CCDC30: variants seen among roughly 807,000 people sequenced by gnomAD.
The protein encoded by CCDC30 is coiled-coil domain-containing protein 30.
A neutral mutation model predicts 100.2 loss-of-function variants in CCDC30; 70 were observed. That is an observed-to-expected ratio of 0.70 (90% CI 0.58 to 0.85). CCDC30 has a LOEUF of 0.85. Among genes scored for constraint, CCDC30 ranks in the 40% least tolerant of loss-of-function variants. CCDC30 has a pLI of 0.00. For missense variants in CCDC30, 652 were observed against 771.2 expected, an observed-to-expected ratio of 0.85 and a Z score of 1.83; for synonymous variants, 233 against 269.5, an observed-to-expected ratio of 0.86 and a Z score of 1.33.
chr1:42,640,072 G>A (rs1197933987), intron 12 of CCDC30, among the ~76,000 whole-genome samples: 1 of 152,066 alleles, frequency 6.6e-6, no homozygotes, highest in Non-Finnish European at 1.5e-5. Flanking sequence ...GAAGACTGAT[G>A]TTAGAGCTTT....
intron 10 of CCDC30, among the ~76,000 whole-genome samples, chr1:42,604,475 A>G (rs1570219983): frequency 6.6e-6 from 1 of 152,204 alleles, no homozygotes; most frequent in East Asian, 1.9e-4. Flanking sequence ...GAATTAGGGA[A>G]ATAACCACTG....
intron 7 of CCDC30, among the ~76,000 whole-genome samples, chr1:42,572,898 G>A (rs1374030180): frequency 7.2e-5 from 11 of 152,254 alleles, no homozygotes; most frequent in African/African-American, 1.7e-4. Context: ...GATTACAGGC[G>A]TGAGCCACCG....
At chr1:42,487,110 CAAAAA>C (rs58763328) in intron 3 of CCDC30, among the ~76,000 whole-genome samples, 1,917 of 91,048 alleles carry the variant, frequency 0.021, 40 homozygotes, top group African/African-American at 0.071. Context: ...TGCCCTGTCT[CAAAAA>C]AAAAAAAAAA....
At chr1:42,626,055 TTTATAA>T (rs2148663156) in intron 11 of CCDC30, among the ~76,000 whole-genome samples, 1 of 152,326 alleles carries the variant, frequency 6.6e-6, no homozygotes, top group African/African-American at 2.4e-5. Flanking sequence ...TATATATGTA[TTTATAA>T]TTGTTATATC....
At chr1:42,607,917 T>C (rs1019096140) in intron 10 of CCDC30, among the ~76,000 whole-genome samples, 1 of 152,216 alleles carries the variant, frequency 6.6e-6, no homozygotes, top group East Asian at 1.9e-4. Flanking sequence ...TCTTTTGATG[T>C]TGGACAAATG....
rs758087841 is a variant in CCDC30, at chr1:42,637,385, A to G, written c.1419+7A>G. The G allele has an allele frequency of 1.2e-6, 2 of 1,604,802 alleles. No homozygotes were observed. The highest frequency in any genetic ancestry group is 1.7e-6 in the Non-Finnish European group (2 of 1,177,222). ...GCAACATAAAATAGAAAAGGTGAGG[A>G]AAAAATAAAAGGTGAAGAGCTCACT... is the stretch of plus-strand genomic sequence containing the variant. On this transcript the variant is annotated splice_region_variant and intron_variant, in intron 12 of 16. Coordinates refer to ENST00000668663, the Ensembl canonical transcript of CCDC30.
intron 11 of CCDC30, among the ~76,000 whole-genome samples, chr1:42,621,406 C>T (rs6667417): frequency 0.13 from 20,403 of 152,042 alleles, 1,560 homozygotes; most frequent in East Asian, 0.28. Context: ...GCCTTGACCT[C>T]CTGGGCTCAA....
At chr1:42,624,706 T>C (rs988693762) in intron 11 of CCDC30, among the ~76,000 whole-genome samples, 2 of 152,206 alleles carry the variant, frequency 1.3e-5, no homozygotes, top group Non-Finnish European at 2.9e-5. Context: ...CTTGAACTCC[T>C]GAGGTCAAGC....
chr1:42,482,250 G>A (rs11210653), intron 2 of CCDC30, among the ~76,000 whole-genome samples: 2 of 150,488 alleles, frequency 1.3e-5, no homozygotes, highest in South Asian at 4.2e-4. Context: ...CATTACATTA[G>A]AAAATCTGTA....
At chr1:42,497,667 A>C (rs1644250308) in intron 5 of CCDC30, among the ~76,000 whole-genome samples, 1 of 152,216 alleles carries the variant, frequency 6.6e-6, no homozygotes, top group African/African-American at 2.4e-5. Flanking sequence ...ATATTCATTA[A>C]ATAATCATAT....
At chr1:42,651,690 C>G (rs1648364102) in intron 15 of CCDC30, among the ~76,000 whole-genome samples, 1 of 152,002 alleles carries the variant, frequency 6.6e-6, no homozygotes, top group South Asian at 2.1e-4. Flanking sequence ...ACAGCAAGAC[C>G]CTGTATCTAC....
chr1:42,496,983 T>C lies in CCDC30; in HGVS notation c.242-115T>C, dbSNP rs970428537. ...AGAGCCAGCCACATATGCAGAGACA[T>C]GGTAGGACTGACAAGAAGGGCAGGC... On this transcript the variant is annotated intron_variant, in intron 4 of 16. Coordinates refer to ENST00000668663, the Ensembl canonical transcript of CCDC30. 1.6e-5 allele frequency: 7 copies of C among 433,142 alleles called. No homozygotes were observed. In the Admixed American group the frequency reaches 1.8e-4, roughly 11 times the overall value. The allele number at this position is 433,142 out of a possible 1,614,324, so 26.8% of individuals were successfully genotyped here. A position where few individuals can be genotyped will look rare whatever the true frequency, so the allele number is the denominator to read the frequency against.
rs12130933 is a variant in CCDC30 at position 42,607,825 on chromosome 1, C to T, written c.1165-3153C>T. On this transcript the variant is annotated intron_variant, in intron 10 of 16. Transcript: ENST00000668663. Reference sequence around the variant, plus strand: ...AAAAAGAAGGTCTGCACAACAGGAACTCTTTTTTTAGATTGATTCCATCTA... The same window carrying T: ...AAAAAGAAGGTCTGCACAACAGGAATTCTTTTTTTAGATTGATTCCATCTA... Among the ~76,000 whole-genome samples, 1,060 of 152,306 alleles carry T rather than the reference C, an allele frequency of 7.0e-3. 6 individuals carry two copies. Among genetic ancestry groups the T allele is most frequent in the Middle Eastern group, 0.044 (13 of 294 alleles).
intron 10 of CCDC30, among the ~76,000 whole-genome samples, chr1:42,598,252 C>T (rs1476716219): frequency 1.3e-5 from 2 of 151,894 alleles, no homozygotes; most frequent in Non-Finnish European, 2.9e-5. Flanking sequence ...CATGGTGGCT[C>T]ATACCTGTAA....
chr1:42,534,083 G>A (rs1402910582), intron 6 of CCDC30: 1 of 152,064 alleles, frequency 6.6e-6, no homozygotes, highest in African/African-American at 2.4e-5. Context: ...TATATAAATT[G>A]CCTAAAGGCA....
intron 1 of CCDC30, among the ~76,000 whole-genome samples, chr1:42,478,276 A>G (rs893423300): frequency 6.6e-6 from 1 of 152,206 alleles, no homozygotes; most frequent in Non-Finnish European, 1.5e-5. Context: ...GTTTTGCAGT[A>G]ATAATCAAAG....
chr1:42,619,056 C>CA lies in CCDC30; in HGVS notation c.1277+7975dup, dbSNP rs539046723. Among the ~76,000 whole-genome samples, 143 of 150,050 alleles carry CA rather than the reference C, an allele frequency of 9.5e-4. No homozygotes were observed. The South Asian group carries it at 0.01, about 11-fold the overall frequency. On this transcript the variant is annotated intron_variant, in intron 11 of 16. Transcript: ENST00000668663. ...CTATGCTGAGTAAACCAGTGCCCAG[C>CA]AAAAAAAAATCGGGGTATATAATGT...
At chr1:42,602,875 T>G (rs1439549266) in intron 10 of CCDC30, among the ~76,000 whole-genome samples, 1 of 152,216 alleles carries the variant, frequency 6.6e-6, no homozygotes, top group Non-Finnish European at 1.5e-5. Flanking sequence ...ATAAAAATCC[T>G]CAGCAAAATA....
intron 1 of CCDC30, among the ~76,000 whole-genome samples, chr1:42,471,214 C>G (rs1421058690): frequency 6.6e-6 from 1 of 152,168 alleles, no homozygotes; most frequent in African/African-American, 2.4e-5. Context: ...TCCTACTGAT[C>G]AGCAAGGATC....
Sources: gnomAD v4.1 joint callset for allele counts (sites outside exome capture counted in the v4.1 genomes callset) on GRCh38, gnomAD v4.1.1 for gene constraint, MANE v1.5 for transcripts, NCBI Gene and HGNC (gene_info 2026-07-23, HGNC 2026-07-21) for gene names.